MTG2: variants seen among roughly 807,000 people sequenced by gnomAD.
MTG2 encodes mitochondrial ribosome associated GTPase 2, also known as mitochondrial ribosome-associated GTPase 2.
A neutral mutation model predicts 28.6 loss-of-function variants in MTG2; 23 were observed. The observed-to-expected ratio is 0.80, with a 90% CI of 0.58 to 1.14. The LOEUF is 1.14. Among genes scored for constraint, MTG2 ranks in the 50% most tolerant of loss-of-function variants. MTG2 has a pLI of 0.00. For synonymous variants in MTG2, 260 were observed against 251.8 expected, an observed-to-expected ratio of 1.03 and a Z score of -0.31; for missense variants, 539 against 552.0, an observed-to-expected ratio of 0.98 and a Z score of 0.24.
intron 1 of MTG2, 112 bp from the exon 2 acceptor site, chr20:62,193,304 T>C (rs2057996178): frequency 1.9e-6 from 2 of 1,079,066 alleles, no homozygotes; most frequent in Non-Finnish European, 2.8e-6. Flanking sequence ...AGTTCACTTG[T>C]TTGTTTCAGA....
intron 1 of MTG2, among the ~76,000 whole-genome samples, chr20:62,186,537 T>TG (rs953282216): frequency 1.5e-4 from 20 of 129,288 alleles, no homozygotes; most frequent in Non-Finnish European, 3.4e-4. Context: ...TGTTTTTTTT[T>TG]TTTTTTTTTG....
At chr20:62,185,821 G>T (rs2145825155) in intron 1 of MTG2, among the ~76,000 whole-genome samples, 1 of 152,320 alleles carries the variant, frequency 6.6e-6, no homozygotes, top group African/African-American at 2.4e-5. Context: ...GACAGGTCAA[G>T]GACAGCCTTG....
intron 4 of MTG2, 76 bp downstream of exon 4, chr20:62,198,043 C>T: frequency 7.8e-7 from 1 of 1,286,158 alleles, no homozygotes; most frequent in East Asian, 2.3e-5. Context: ...ACCGTGTGAC[C>T]CACGGGGCCC....
intron 6 of MTG2, among the ~76,000 whole-genome samples, chr20:62,199,514 C>T (rs1401387616): frequency 7.9e-5 from 12 of 151,250 alleles, no homozygotes; most frequent in Admixed American, 1.3e-4. Context: ...GGTGTGGTGG[C>T]GGGCACCTGT....
intron 3 of MTG2, 145 bp downstream of exon 3, chr20:62,196,094 C>G: frequency 1.0e-6 from 1 of 960,472 alleles, no homozygotes; most frequent in Non-Finnish European, 1.5e-6. Context: ...AGGAGGATCA[C>G]TTGAGCCCAT....
At chr20:62,196,641 G>T (rs1037195859) in intron 3 of MTG2, among the ~76,000 whole-genome samples, 1 of 152,122 alleles carries the variant, frequency 6.6e-6, no homozygotes, top group Non-Finnish European at 1.5e-5. Flanking sequence ...CTGCACTCCA[G>T]CCTGGCCAAC....
At chr20:62,196,189 G>T (rs1179147062) in intron 3 of MTG2, among the ~76,000 whole-genome samples, 3 of 149,900 alleles carry the variant, frequency 2.0e-5, no homozygotes, top group Admixed American at 1.3e-4. Context: ...TTGCCTCAAG[G>T]TTTGTGGATC....
intron 1 of MTG2, among the ~76,000 whole-genome samples, chr20:62,183,615 C>G (rs556271281): frequency 2.6e-5 from 4 of 152,170 alleles, no homozygotes; most frequent in Non-Finnish European, 5.9e-5. Flanking sequence ...AGCGGGTTAC[C>G]CGTTCTATTC....
At chr20:62,193,679 G>A (rs2058005139) in intron 2 of MTG2, 55 bp downstream of exon 2, 2 of 1,514,068 alleles carry the variant, frequency 1.3e-6, no homozygotes, top group Non-Finnish European at 8.9e-7. Context: ...AAGGCACAGG[G>A]TGTGGTTTCG....
At chr20:62,190,779 G>A (rs867223719) in intron 1 of MTG2, among the ~76,000 whole-genome samples, 47 of 152,240 alleles carry the variant, frequency 3.1e-4, no homozygotes, top group African/African-American at 1.0e-3. Flanking sequence ...GGCTGCGGGG[G>A]CACTGGGGAG....
Position 62,195,940 on chromosome 20 carries a change from A to G in MTG2, c.343A>G (p.Ile115Val). ...GGACGGAGGCAACGGTGGACACGTC[A>G]TTCTGAGAGGCAGGTGCCCTGGGGC... ...GGDGGNGGHV[I>V]LRVDQQVKSL... Residue 115 changes from isoleucine to valine, a missense_variant, in exon 3 of 7, where the codon ATT becomes GTT. Transcript: ENST00000370823. 2 of 1,614,094 alleles carry G rather than the reference A, an allele frequency of 1.2e-6. No individual in the cohort carries two copies. Among genetic ancestry groups the G allele is most frequent in the South Asian group, 1.1e-5 (1 of 91,084 alleles).
rs376233664 is a variant in MTG2 at position 62,201,661 on chromosome 20, C to G, written c.*584C>G. 6.5e-6 allele frequency: 1 copy of G among 152,836 alleles called. No homozygotes were observed. The highest frequency in any genetic ancestry group is 6.5e-5 in the Admixed American group (1 of 15,300). The allele number at this position is 152,836 out of a possible 1,614,324, so 9.5% of individuals were successfully genotyped here. A position where few individuals can be genotyped will look rare whatever the true frequency, so the allele number is the denominator to read the frequency against. ...GAGGATGCAAGTCCAGGCAGAGCGG[C>G]GCAGGCAGCTGTGAGCTTTTCTCCA... is the stretch of plus-strand genomic sequence containing the variant. On this transcript the variant is annotated 3_prime_UTR_variant, in exon 7 of 7. Transcript: ENST00000370823.
intron 1 of MTG2, among the ~76,000 whole-genome samples, chr20:62,183,790 T>C (rs916143825): frequency 6.6e-6 from 1 of 152,208 alleles, no homozygotes; most frequent in African/African-American, 2.4e-5. Flanking sequence ...TTCAAATTGT[T>C]TTAAACGCAG....
chr20:62,194,476 T>C (rs1164379293), intron 2 of MTG2, among the ~76,000 whole-genome samples: 3 of 152,244 alleles, frequency 2.0e-5, no homozygotes, highest in Admixed American at 2.0e-4. Context: ...GGATTTTGCT[T>C]GCGTTGGCGC....
At position 62,201,878 on chromosome 20, in the gene MTG2, T is replaced by A. The variant is rs1245131983; in HGVS notation, c.*801T>A. ...AGAGGGGCTGTGGGCCATGGAACTGTCAGCGTTATTCTCAGAAGGCGGCCG... is the reference window on the plus strand; with the variant it reads ...AGAGGGGCTGTGGGCCATGGAACTGACAGCGTTATTCTCAGAAGGCGGCCG... On this transcript the variant is annotated 3_prime_UTR_variant, in exon 7 of 7. Coordinates refer to ENST00000370823, the MANE Select transcript of MTG2 (RefSeq NM_015666.4). 3 of 152,330 alleles carry A rather than the reference T, an allele frequency of 2.0e-5. No homozygotes were observed. The highest frequency in any genetic ancestry group is 4.4e-5 in the Non-Finnish European group (3 of 68,130). The allele number at this position is 152,330 out of a possible 1,614,324, so 9.4% of individuals were successfully genotyped here.
At chr20:62,183,737 T>TAAAGGGGAGGACCCATTATA (rs1196325921) in intron 1 of MTG2, among the ~76,000 whole-genome samples, 3 of 152,194 alleles carry the variant, frequency 2.0e-5, no homozygotes, top group Non-Finnish European at 4.4e-5. Flanking sequence ...CTTTCTTTTG[T>TAAAGGGGAGGACCCATTATA]AAAGGGGAGG....
chr20:62,200,813 T>C lies in MTG2; in HGVS notation c.957T>C (p.Thr319=), dbSNP rs2058155367. 1.9e-6 allele frequency: 3 copies of C among 1,613,968 alleles called. No individual in the cohort carries two copies. The East Asian group carries it at 6.7e-5, about 36-fold the overall frequency. The change falls in exon 7 of 7, where the codon ACT becomes ACC. Residue 319 remains threonine, a synonymous_variant. Transcript: ENST00000370823. ...ATCTTTCTCAGCCTGAGCCGTGGAC[T>C]CAAGTTGACGATTTAAAATATGAAC... The part of the protein sequence containing the change: ...VVDLSQPEPW[T]QVDDLKYELE...
chr20:62,191,999 A>T (rs1413823886), intron 1 of MTG2, among the ~76,000 whole-genome samples: 2 of 152,074 alleles, frequency 1.3e-5, no homozygotes, highest in Non-Finnish European at 2.9e-5. Flanking sequence ...CTCCGGGGAT[A>T]TTTCCACCCA....
intron 1 of MTG2, chr20:62,188,816 C>A (rs573634623): frequency 2.0e-5 from 3 of 151,474 alleles, no homozygotes; most frequent in African/African-American, 7.3e-5. Context: ...GTTTGTTGAC[C>A]CCACAGATAC....
Sources: allele counts gnomAD v4.1 joint callset (sites outside exome capture counted in the v4.1 genomes callset), GRCh38; gene constraint gnomAD v4.1.1; transcripts MANE v1.5; gene names NCBI Gene and HGNC (gene_info 2026-07-23, HGNC 2026-07-21).